MSH3: variants seen among roughly 807,000 people sequenced by gnomAD.
The protein encoded by MSH3 is DNA mismatch repair protein Msh3.
In MSH3, 106 loss-of-function variants were observed where a neutral mutation model predicts 123.3. The observed-to-expected ratio is 0.86, with a 90% confidence interval of 0.73 to 1.01. The LOEUF (loss-of-function observed/expected upper bound fraction) is 1.01. Ranked by LOEUF, MSH3 falls within the 50% of genes least tolerant of loss-of-function variation. The pLI, the probability that MSH3 is intolerant of heterozygous loss-of-function variation, is 0.00. For missense variants in MSH3, 1,459 were observed against 1,347.6 expected (o/e 1.08, Z -1.29); for synonymous variants, 515 against 481.4 (o/e 1.07, Z -0.91).
At chr5:80,831,602 G>A (rs1745417934) in intron 20 of MSH3, among the ~76,000 whole-genome samples, 1 of 149,384 alleles carries the variant, frequency 6.7e-6, no homozygotes, top group Non-Finnish European at 1.5e-5. Context: ...TTTTTGGGGT[G>A]TTTTTCTTCC....
chr5:80,821,122 T>C (rs1745198909), intron 20 of MSH3, among the ~76,000 whole-genome samples: 1 of 152,262 alleles, frequency 6.6e-6, no homozygotes, highest in Admixed American at 6.5e-5. Flanking sequence ...AGTAGTTCCT[T>C]GGTAATATTA....
Position 80,672,971 on chromosome 5 carries a change from G to GC in MSH3, c.1027+114dup, listed in dbSNP as rs1466869794. 38 of 820,144 alleles carry GC rather than the reference G, an allele frequency of 4.6e-5. No individual in the cohort carries two copies. In the East Asian group the frequency reaches 9.1e-4, roughly 20 times the overall value. The allele number at this position is 820,144 out of a possible 1,614,324, so 50.8% of individuals were successfully genotyped here. A position where few individuals can be genotyped will look rare whatever the true frequency, so the allele number is the denominator to read the frequency against. On this transcript the variant is annotated intron_variant, in intron 6 of 23. Coordinates refer to ENST00000265081, the MANE Select transcript of MSH3 (RefSeq NM_002439.5). The stretch of plus-strand genomic sequence containing the variant: ...TGCTCTTTGGGAACTTTTTAGATGA[G>GC]CTGAGAGGCATTAAGGTGAACCCTT...
intron 20 of MSH3, among the ~76,000 whole-genome samples, chr5:80,843,636 G>T (rs1156691687): frequency 6.6e-6 from 1 of 152,124 alleles, no homozygotes; most frequent in Non-Finnish European, 1.5e-5. Flanking sequence ...GTCTTGGCAT[G>T]GAGTATATGT....
At chr5:80,735,415 G>T (rs1241331374) in intron 10 of MSH3, among the ~76,000 whole-genome samples, 2 of 148,342 alleles carry the variant, frequency 1.3e-5, no homozygotes, top group Non-Finnish European at 1.5e-5. Flanking sequence ...GTTGAGCACA[G>T]TGGCTCAACG....
chr5:80,869,688 G>A (rs972763552), intron 22 of MSH3, among the ~76,000 whole-genome samples: 1 of 150,936 alleles, frequency 6.6e-6, no homozygotes, highest in Non-Finnish European at 1.5e-5. Context: ...AATATTTTAT[G>A]TAAGTTAGCT....
At chr5:80,813,436 A>G in intron 19 of MSH3, 148 bp from the exon 20 acceptor site, 3 of 756,942 alleles carry the variant, frequency 4.0e-6, no homozygotes. Context: ...CACACAGTTC[A>G]GGTTGAAGAC....
At chr5:80,773,432 CTG>C (rs1293224680) in intron 15 of MSH3, among the ~76,000 whole-genome samples, 1 of 152,158 alleles carries the variant, frequency 6.6e-6, no homozygotes, top group African/African-American at 2.4e-5. Context: ...AGATTTGAAA[CTG>C]TAGTAATTCT....
chr5:80,862,422 T>C (rs1746029741), intron 21 of MSH3, among the ~76,000 whole-genome samples: 1 of 152,046 alleles, frequency 6.6e-6, no homozygotes, highest in Non-Finnish European at 1.5e-5. Context: ...CAGATAGAGG[T>C]TTCCAGAATA....
At position 80,656,514 on chromosome 5, in the gene MSH3, G is replaced by A. The variant is rs2112801843; in HGVS notation, c.341G>A (p.Gly114Glu). Reference protein sequence around the residue: ...VQQKEGGSDLGMSGNSEPKKC... With the variant: ...VQQKEGGSDLEMSGNSEPKKC... The stretch of plus-strand genomic sequence containing the variant: ...CAAAAGGAAGGAGGAAGTGATCTGG[G>A]AATGTCTGGCAACTCTGGTGAGTTG... Residue 114 changes from glycine (G) to glutamate (E), a missense_variant, in exon 2 of 24, where the codon GGA becomes GAA. By Grantham distance (98) the Gly-to-Glu change is moderately conservative. Coordinates refer to ENST00000265081, the MANE Select transcript of MSH3 (RefSeq NM_002439.5). 1 of 1,614,204 alleles carries A rather than the reference G, an allele frequency of 6.2e-7. No individual in the cohort carries two copies. Among genetic ancestry groups the A allele is most frequent in the Non-Finnish European group, 8.5e-7 (1 of 1,180,024 alleles).
intron 8 of MSH3, among the ~76,000 whole-genome samples, chr5:80,693,777 C>T (rs565064602): frequency 4.6e-5 from 7 of 152,222 alleles, no homozygotes; most frequent in Admixed American, 1.3e-4. Context: ...CCTGCCTCAG[C>T]CTCCCGAGTA....
chr5:80,730,112 A>G (rs1353310745), intron 10 of MSH3, among the ~76,000 whole-genome samples: 1 of 152,308 alleles, frequency 6.6e-6, no homozygotes, highest in Admixed American at 6.5e-5. Context: ...ACTTTATCCT[A>G]TTTAAAAGCA....
At chr5:80,685,775 A>G (rs964602730) in intron 8 of MSH3, among the ~76,000 whole-genome samples, 6 of 151,220 alleles carry the variant, frequency 4.0e-5, no homozygotes, top group Admixed American at 4.0e-4. Flanking sequence ...CTCTTTTTTC[A>G]TGTAGGTGCT....
chr5:80,783,834 G>C (rs1461397559), intron 17 of MSH3, among the ~76,000 whole-genome samples: 1 of 152,170 alleles, frequency 6.6e-6, no homozygotes, highest in Non-Finnish European at 1.5e-5. Flanking sequence ...AGGGTGCCTA[G>C]ATAGGAGGAC....
rs532031135 is a variant in MSH3, at chr5:80,725,339, A to C, written c.1341-114A>C. 36 of 708,548 alleles carry C rather than the reference A, an allele frequency of 5.1e-5. 1 individual carries two copies. In the East Asian group the frequency reaches 9.6e-4, roughly 19 times the overall value. 43.9% of individuals were successfully genotyped at this position (708,548 alleles called of 1,614,324 possible). ...TTCTCTCTCTTTCTTCAACTTGGGAAAGAATAAGGAATAAATCTTTATCTT... is the reference window on the plus strand; with the variant it reads ...TTCTCTCTCTTTCTTCAACTTGGGACAGAATAAGGAATAAATCTTTATCTT... On this transcript the variant is annotated intron_variant, in intron 8 of 23. Coordinates refer to ENST00000265081, the MANE Select transcript of MSH3 (RefSeq NM_002439.5).
At position 80,873,099 on chromosome 5, in the gene MSH3, C is replaced by T. The variant is rs369935724; in HGVS notation, c.3131-17C>T. The T allele has an allele frequency of 8.3e-5, 134 of 1,610,118 alleles. No individual in the cohort carries two copies. In the Middle Eastern group the frequency reaches 2.8e-3, roughly 34 times the overall value. On this transcript the variant is annotated splice_polypyrimidine_tract_variant and intron_variant, in intron 22 of 23. Coordinates refer to ENST00000265081, the MANE Select transcript of MSH3 (RefSeq NM_002439.5). ...AGCTTTCAGGCACAGTTTTGATCTC[C>T]TTTCTTTATTTCACAGGCGCAGCAG...
rs759271567 is a variant in MSH3, at chr5:80,670,118, A to C, written c.601A>C (p.Ser201Arg). The change falls in exon 4 of 24, where the codon AGT becomes CGT. Residue 201 changes from serine (S) to arginine (R), a missense_variant. Physicochemically the swap from Ser to Arg is moderately radical, Grantham distance 110. Coordinates refer to ENST00000265081, the MANE Select transcript of MSH3 (RefSeq NM_002439.5). ...NQKDTTLFDL[S>R]QFGSSNTSHE... The stretch of plus-strand genomic sequence containing the variant: ...CCAGGACACAACACTTTTTGATCTC[A>C]GTCAGTTTGGATCATCAAATACAAG... 3.1e-6 allele frequency: 5 copies of C among 1,614,118 alleles called. No individual in the cohort carries two copies. In the East Asian group the frequency reaches 8.9e-5, roughly 29 times the overall value.
intron 8 of MSH3, among the ~76,000 whole-genome samples, chr5:80,718,360 C>T (rs1289603858): frequency 6.6e-6 from 1 of 152,196 alleles, no homozygotes; most frequent in Non-Finnish European, 1.5e-5. Flanking sequence ...CTCAAGTGAT[C>T]CCCCTTCTCA....
chr5:80,717,788 A>G (rs1281376779), intron 8 of MSH3, among the ~76,000 whole-genome samples: 1 of 151,718 alleles, frequency 6.6e-6, no homozygotes, highest in East Asian at 1.9e-4. Flanking sequence ...TATATTGGCC[A>G]TTCTTTCAGG....
chr5:80,849,082 C>T (rs1745780378), intron 20 of MSH3, among the ~76,000 whole-genome samples: 1 of 152,170 alleles, frequency 6.6e-6, no homozygotes, highest in African/African-American at 2.4e-5. Flanking sequence ...GGGCTACAGG[C>T]CCTATGCAAG....
Sources: gnomAD v4.1 joint callset for allele counts (sites outside exome capture counted in the v4.1 genomes callset) on GRCh38, gnomAD v4.1.1 for gene constraint, MANE v1.5 for transcripts, NCBI Gene and HGNC (gene_info 2026-07-23, HGNC 2026-07-21) for gene names.